The following TMPRSS15 variants were observed in gnomAD, a reference collection of about 807,000 sequenced individuals.
TMPRSS15 encodes the protein enteropeptidase.
TMPRSS15 carries 128 observed loss-of-function variants against 125.3 expected under a neutral mutation model. The observed-to-expected ratio is 1.02, with a 90% CI of 0.89 to 1.18. The LOEUF is 1.18. Among genes scored for constraint, TMPRSS15 ranks in the 50% most tolerant of loss-of-function variants. TMPRSS15 has a pLI of 0.00. For synonymous variants in TMPRSS15, 446 were observed against 423.2 expected (o/e 1.05, Z -0.66); for missense variants, 1,283 against 1,212.7 (o/e 1.06, Z -0.86).
chr21:18,395,825 G>A (rs2076029337), intron 3 of TMPRSS15, among the ~76,000 whole-genome samples: 1 of 152,082 alleles, frequency 6.6e-6, no homozygotes, highest in Non-Finnish European at 1.5e-5. Flanking sequence ...GTAATTTTAA[G>A]GCCCTGGAAT....
chr21:18,427,157 A>C (rs1465775140), intron 1 of TMPRSS15, among the ~76,000 whole-genome samples: 1 of 152,234 alleles, frequency 6.6e-6, no homozygotes, highest in Non-Finnish European at 1.5e-5. Context: ...CAGCCCTCTG[A>C]GAACAGATTC....
rs1404617837 is a variant in TMPRSS15, at chr21:18,403,504, C to T, written c.119G>A (p.Cys40Tyr). Residue 40 changes from cysteine (C) to tyrosine (Y), a missense_variant, in exon 1 of 25, where the codon TGC becomes TAC. Transcript: ENST00000284885. ...TCGTTGGGATTCCTTGATTGTCAGG[C>T]AGGATACTGCAATTAATCCAGCACA... The part of the protein sequence containing the change: ...VLCAGLIAVS[C>Y]LTIKESQRGA... The T allele has an allele frequency of 1.9e-6, 3 of 1,614,130 alleles. No homozygotes were observed. Among genetic ancestry groups the T allele is most frequent in the Non-Finnish European group, 2.5e-6 (3 of 1,180,006 alleles).
At chr21:18,374,212 G>A (rs1477144104) in intron 5 of TMPRSS15, among the ~76,000 whole-genome samples, 6 of 152,078 alleles carry the variant, frequency 3.9e-5, no homozygotes, top group East Asian at 3.9e-4. Flanking sequence ...GGTGGCTCAC[G>A]CCTGTAATCC....
intron 18 of TMPRSS15, among the ~76,000 whole-genome samples, chr21:18,298,901 C>T (rs75703640): frequency 0.02 from 3,075 of 152,232 alleles, 102 homozygotes; most frequent in African/African-American, 0.07. Flanking sequence ...TTAGAAGATA[C>T]GAACTATTTA....
In TMPRSS15 at chr21:18,427,355, A is replaced by C. The variant is rs534020273; in HGVS notation, c.11-29026T>G. ...TCTAAGCCACACACACTTATTTTCC[A>C]TTCTCCTTGCCTTACTTAACTATTA... is the stretch of plus-strand genomic sequence containing the variant. On this transcript the variant is annotated intron_variant, in intron 1 of 7. Coordinates refer to the TMPRSS15 transcript ENST00000422787. Among the ~76,000 whole-genome samples, 4 of 96,148 alleles carry C rather than the reference A, an allele frequency of 4.2e-5. No homozygotes were observed. The South Asian group carries it at 1.7e-3, about 41-fold the overall frequency. The allele number at this position is 96,148 out of a possible 152,430, so 63.1% of individuals were successfully genotyped here. A position where few individuals can be genotyped will look rare whatever the true frequency, so the allele number is the denominator to read the frequency against.
intron 1 of TMPRSS15, among the ~76,000 whole-genome samples, chr21:18,444,929 CAT>C (rs2076251689): frequency 1.3e-5 from 2 of 152,108 alleles, no homozygotes; most frequent in Admixed American, 6.5e-5. Context: ...TGAAATTCCA[CAT>C]GAGTGAGACA....
chr21:18,424,854 G>T (rs545471663), intron 1 of TMPRSS15, among the ~76,000 whole-genome samples: 5 of 148,976 alleles, frequency 3.4e-5, no homozygotes, highest in African/African-American at 1.3e-4. Flanking sequence ...TAGAAAGAAT[G>T]AAGACATTAA....
At chr21:18,351,861 A>C (rs1392585772) in intron 10 of TMPRSS15, among the ~76,000 whole-genome samples, 1 of 152,138 alleles carries the variant, frequency 6.6e-6, no homozygotes, top group East Asian at 1.9e-4. Flanking sequence ...AGAGGTGCTT[A>C]GAATATTTAA....
chr21:18,296,084 T>C (rs573509208), intron 19 of TMPRSS15, among the ~76,000 whole-genome samples: 5 of 151,998 alleles, frequency 3.3e-5, no homozygotes, highest in East Asian at 3.9e-4. Context: ...ACTTGGGAGG[T>C]GGAGCTTGCA....
chr21:18,316,885 T>G (rs1372707442), intron 16 of TMPRSS15, among the ~76,000 whole-genome samples: 1 of 151,664 alleles, frequency 6.6e-6, no homozygotes, highest in Non-Finnish European at 1.5e-5. Flanking sequence ...GGAAGGAGAG[T>G]AGGAACTCCA....
chr21:18,332,083 C>T lies in TMPRSS15; in HGVS notation c.1654+1G>A, dbSNP rs2075350977. On this transcript the variant is annotated splice_donor_variant, in intron 14 of 24. Coordinates refer to ENST00000284885, the MANE Select transcript of TMPRSS15 (RefSeq NM_002772.3). LOFTEE classifies it high-confidence loss of function. ...GATGACCTGGAAAAGAAATGACTCA[C>T]AGAAAGCCAGATTAGGGTAGCTGTT... The T allele has an allele frequency of 6.2e-7, 1 of 1,613,362 alleles. No homozygotes were observed. The highest frequency in any genetic ancestry group is 8.5e-7 in the Non-Finnish European group (1 of 1,179,444).
chr21:18,345,958 A>G (rs1299124946), intron 10 of TMPRSS15, among the ~76,000 whole-genome samples: 1 of 151,808 alleles, frequency 6.6e-6, no homozygotes, highest in Non-Finnish European at 1.5e-5. Context: ...AGTTTTCAGT[A>G]TGATCAAAAT....
In TMPRSS15 at chr21:18,448,804, G is replaced by A. The variant is rs374014351; in HGVS notation, c.10+36995C>T. ...AAACATCAAGGACTATTGCTTTGATGAGCTATTATATATTGCTTTTCTGTT... is the reference window on the plus strand; with the variant it reads ...AAACATCAAGGACTATTGCTTTGATAAGCTATTATATATTGCTTTTCTGTT... On this transcript the variant is annotated intron_variant, in intron 1 of 7. Transcript: ENST00000422787. 2.0e-4 allele frequency among the ~76,000 whole-genome samples: 31 copies of A among 152,136 alleles called. 1 individual carries two copies. The highest frequency in any genetic ancestry group is 7.5e-4 in the African/African-American group (31 of 41,518).
chr21:18,394,362 T>C (rs1299257948), intron 3 of TMPRSS15, among the ~76,000 whole-genome samples: 2 of 152,150 alleles, frequency 1.3e-5, no homozygotes, highest in South Asian at 2.1e-4. Context: ...ACAAGGTAAC[T>C]TAGTTTCTAT....
At chr21:18,478,582 T>C (rs1004465357) in intron 1 of TMPRSS15, among the ~76,000 whole-genome samples, 6 of 152,150 alleles carry the variant, frequency 3.9e-5, no homozygotes, top group African/African-American at 1.4e-4. Flanking sequence ...AAACATCCTC[T>C]GTTTCAGAAC....
chr21:18,346,569 C>G (rs1350201065), intron 10 of TMPRSS15, among the ~76,000 whole-genome samples: 3 of 152,020 alleles, frequency 2.0e-5, no homozygotes, highest in Non-Finnish European at 2.9e-5. Context: ...TTTCAGTTTG[C>G]TTCTTTAATT....
rs1410461998 is a variant in TMPRSS15, at chr21:18,472,348, CTTCT to C, written c.10+13447_10+13450del. The stretch of plus-strand genomic sequence containing the variant: ...AATAAACGTATGTTCTAAAAATGAA[CTTCT>C]CCCTTTTAGCCTATGGGGTTCAATT... On this transcript the variant is annotated intron_variant, in intron 1 of 7. Coordinates refer to the TMPRSS15 transcript ENST00000422787. Among the ~76,000 whole-genome samples, 7 of 150,582 alleles carry C rather than the reference CTTCT, an allele frequency of 4.6e-5. No homozygotes were observed. The East Asian group carries it at 1.4e-3, about 29-fold the overall frequency.
chr21:18,303,761 A>T (rs2075000277), intron 18 of TMPRSS15, among the ~76,000 whole-genome samples: 1 of 152,220 alleles, frequency 6.6e-6, no homozygotes, highest in Admixed American at 6.5e-5. Context: ...CAAAACATAA[A>T]AGATGTTCTC....
At chr21:18,277,732 T>C (rs2074638853) in intron 23 of TMPRSS15, among the ~76,000 whole-genome samples, 1 of 152,244 alleles carries the variant, frequency 6.6e-6, no homozygotes, top group Non-Finnish European at 1.5e-5. Flanking sequence ...CAAGATTTTC[T>C]GCATTTTCAT....
Sources: gnomAD v4.1 joint callset for allele counts (sites outside exome capture counted in the v4.1 genomes callset) on GRCh38, gnomAD v4.1.1 for gene constraint, MANE v1.5 for transcripts, NCBI Gene and HGNC (gene_info 2026-07-23, HGNC 2026-07-21) for gene names.